SCHIP1: variants seen among roughly 807,000 people sequenced by gnomAD.
The protein encoded by SCHIP1 is schwannomin-interacting protein 1.
SCHIP1 carries 8 observed loss-of-function variants against 29.7 expected under a neutral mutation model. The ratio of observed to expected loss-of-function variants is 0.27; its 90% confidence interval spans 0.16 to 0.49. SCHIP1 has a LOEUF of 0.49. Ranked by LOEUF, SCHIP1 falls within the 20% of genes least tolerant of loss-of-function variation. The pLI, the probability that SCHIP1 is intolerant of heterozygous loss-of-function variation, is 0.99. For missense variants in SCHIP1, 193 were observed against 294.6 expected (o/e 0.66, Z 2.52); for synonymous variants, 76 against 94.9 (o/e 0.80, Z 1.16).
At chr3:159,765,209 C>T in the SCHIP1 span, 3 of 1,443,454 alleles carry the variant, frequency 2.1e-6, no homozygotes, top group African/African-American at 1.5e-5. Flanking sequence ...CCGCACGCCC[C>T]CTCCCTGCGC....
the SCHIP1 span, among the ~76,000 whole-genome samples, chr3:159,527,693 A>C: frequency 6.6e-6 from 1 of 152,242 alleles, no homozygotes; most frequent in Non-Finnish European, 1.5e-5. Context: ...TGCCCATCTT[A>C]AATGGATCTG....
chr3:159,475,233 C>T, the SCHIP1 span, among the ~76,000 whole-genome samples: 1 of 152,132 alleles, frequency 6.6e-6, no homozygotes, highest in Admixed American at 6.6e-5. Flanking sequence ...AATGAAATAT[C>T]ATTCAGCCAT....
the SCHIP1 span, among the ~76,000 whole-genome samples, chr3:159,549,928 G>A: frequency 1.3e-5 from 2 of 152,132 alleles, no homozygotes; most frequent in African/African-American, 4.8e-5. Flanking sequence ...GTCATGTCTG[G>A]TAGGAGCTTA....
At chr3:159,394,881 G>A in the SCHIP1 span, among the ~76,000 whole-genome samples, 2 of 152,094 alleles carry the variant, frequency 1.3e-5, no homozygotes, top group Non-Finnish European at 1.5e-5. Context: ...AATAGTTTCA[G>A]AAGGAATGGT....
the SCHIP1 span, among the ~76,000 whole-genome samples, chr3:159,591,766 C>T: frequency 4.6e-5 from 7 of 151,448 alleles, no homozygotes; most frequent in African/African-American, 1.2e-4. Flanking sequence ...CAAGGCCTGT[C>T]GGGGGGTTGG....
chr3:159,551,694 C>A, the SCHIP1 span, among the ~76,000 whole-genome samples: 1 of 151,914 alleles, frequency 6.6e-6, no homozygotes, highest in Admixed American at 6.6e-5. Flanking sequence ...GGTCTTTATA[C>A]TGCTATATTA....
chr3:159,880,100 G>C lies in SCHIP1; in HGVS notation c.150-6107G>C, dbSNP rs983639401. On this transcript the variant is annotated intron_variant, in intron 2 of 6. Coordinates refer to ENST00000445224, the Ensembl canonical transcript of SCHIP1. ...ACTACCTTTGGAGCTGCCTTCATCA[G>C]CTTCTGCTGAGGAAGCCGAACACCT... is the stretch of plus-strand genomic sequence containing the variant. 1.1e-4 allele frequency among the ~76,000 whole-genome samples: 16 copies of C among 152,330 alleles called. No homozygotes were observed. In the South Asian group the frequency reaches 2.7e-3, roughly 26 times the overall value.
At chr3:159,653,734 T>A in the SCHIP1 span, among the ~76,000 whole-genome samples, 1 of 140,746 alleles carries the variant, frequency 7.1e-6, no homozygotes, top group Non-Finnish European at 1.5e-5. Context: ...TGCACATGTA[T>A]CCCGGAACTT....
the SCHIP1 span, among the ~76,000 whole-genome samples, chr3:159,396,063 A>G: frequency 3.7e-4 from 54 of 146,484 alleles, no homozygotes; most frequent in African/African-American, 1.2e-3. Flanking sequence ...TGATCCCTTT[A>G]CCATTATGTA....
At chr3:159,592,011 G>GAAAT in the SCHIP1 span, among the ~76,000 whole-genome samples, 8 of 150,446 alleles carry the variant, frequency 5.3e-5, no homozygotes, top group African/African-American at 2.0e-4. Context: ...AAGAAAGAAA[G>GAAAT]AAAGAAATTG....
Position 159,895,368 on chromosome 3 carries a change from C to T in SCHIP1, c.684-1355C>T, listed in dbSNP as rs577579969. 2.0e-5 allele frequency among the ~76,000 whole-genome samples: 3 copies of T among 152,330 alleles called. No individual in the cohort carries two copies. In the East Asian group the frequency reaches 5.8e-4, roughly 29 times the overall value. On this transcript the variant is annotated intron_variant, in intron 6 of 6. Coordinates refer to ENST00000445224, the Ensembl canonical transcript of SCHIP1. ...ACATTCTGCATAAAACCAGTGAGTT[C>T]AACTTGACATCACTGACTACCCAAG...
chr3:159,450,154 C>A, the SCHIP1 span, among the ~76,000 whole-genome samples: 1 of 152,152 alleles, frequency 6.6e-6, no homozygotes, highest in Non-Finnish European at 1.5e-5. Context: ...TGTTTTCACT[C>A]TTCCTATGCT....
At chr3:159,407,321 A>G in the SCHIP1 span, among the ~76,000 whole-genome samples, 1 of 152,220 alleles carries the variant, frequency 6.6e-6, no homozygotes, top group Non-Finnish European at 1.5e-5. Flanking sequence ...AAAGGGGTCA[A>G]TTCAGCAAGA....
the SCHIP1 span, among the ~76,000 whole-genome samples, chr3:159,704,263 T>G: frequency 6.6e-6 from 1 of 151,978 alleles, no homozygotes; most frequent in Admixed American, 6.6e-5. Context: ...AGTGAAACTC[T>G]GTCTCTACTA....
At chr3:159,815,878 G>A in the SCHIP1 span, among the ~76,000 whole-genome samples, 8 of 152,138 alleles carry the variant, frequency 5.3e-5, no homozygotes, top group Middle Eastern at 3.4e-3. Context: ...TGCCACCCCC[G>A]TTCTGCAAAT....
At chr3:159,371,353 G>C in the SCHIP1 span, among the ~76,000 whole-genome samples, 3 of 152,144 alleles carry the variant, frequency 2.0e-5, no homozygotes, top group Non-Finnish European at 2.9e-5. Flanking sequence ...TAATAAGATA[G>C]ATGTTCCAAC....
chr3:159,744,908 C>A, the SCHIP1 span, among the ~76,000 whole-genome samples: 1 of 152,100 alleles, frequency 6.6e-6, no homozygotes, highest in Non-Finnish European at 1.5e-5. Flanking sequence ...TGGTGTGAAC[C>A]CAGGCGGAGC....
chr3:159,489,253 AC>A, the SCHIP1 span, among the ~76,000 whole-genome samples: 1 of 152,008 alleles, frequency 6.6e-6, no homozygotes, highest in Non-Finnish European at 1.5e-5. Context: ...GCCCATGTTG[AC>A]TCCCTCTATC....
chr3:159,875,274 A>G (rs982768086), intron 2 of SCHIP1, among the ~76,000 whole-genome samples: 1 of 152,226 alleles, frequency 6.6e-6, no homozygotes, highest in Non-Finnish European at 1.5e-5. Context: ...CAATAACACC[A>G]ATGACCCTGG....
Sources: gnomAD v4.1 joint callset for allele counts (sites outside exome capture counted in the v4.1 genomes callset) on GRCh38, gnomAD v4.1.1 for gene constraint, MANE v1.5 for transcripts, NCBI Gene and HGNC (gene_info 2026-07-23, HGNC 2026-07-21) for gene names.